ZFPM2: variants seen among roughly 807,000 people sequenced by gnomAD.
ZFPM2 encodes the protein zinc finger protein, FOG family member 2.
A neutral mutation model predicts 98.6 loss-of-function variants in ZFPM2; 20 were observed. The ratio of observed to expected loss-of-function variants is 0.20; its 90% confidence interval spans 0.14 to 0.29. The LOEUF (loss-of-function observed/expected upper bound fraction) is 0.29. Ranked by LOEUF, ZFPM2 falls within the 10% of genes least tolerant of loss-of-function variation. The pLI is 1.00. For synonymous variants in ZFPM2, 518 were observed against 502.7 expected (o/e 1.03, Z -0.41); for missense variants, 1,310 against 1,388.6 (o/e 0.94, Z 0.90).
rs190575468 is a variant in ZFPM2, at chr8:105,712,710, G to T, written c.533-76008G>T. ...TAGGAAGTTTTATAGACCTTTCCCT[G>T]CACTCTCCTTTTGGAGTCCCCAGTG... On this transcript the variant is annotated intron_variant, in intron 5 of 7. Transcript: ENST00000407775. 2.2e-3 allele frequency among the ~76,000 whole-genome samples: 329 copies of T among 152,022 alleles called. 4 individuals are homozygous for T. Among genetic ancestry groups the T allele is most frequent in the Admixed American group, 0.021 (326 of 15,228 alleles).
chr8:105,678,127 G>A (rs1586192265), intron 5 of ZFPM2, among the ~76,000 whole-genome samples: 1 of 152,152 alleles, frequency 6.6e-6, no homozygotes, highest in Admixed American at 6.5e-5. Context: ...TAGCATGTAG[G>A]AGATACAGAA....
At chr8:105,351,440 G>C (rs193231124) in intron 1 of ZFPM2, among the ~76,000 whole-genome samples, 120 of 151,894 alleles carry the variant, frequency 7.9e-4, no homozygotes, top group Admixed American at 3.3e-3. Context: ...ATTCTGGGAT[G>C]TGGAAACCTC....
chr8:105,478,603 A>C (rs1276667793), intron 3 of ZFPM2, among the ~76,000 whole-genome samples: 2 of 152,256 alleles, frequency 1.3e-5, no homozygotes, highest in Admixed American at 6.5e-5. Flanking sequence ...CTAATGGCAC[A>C]GAAATTTATG....
chr8:105,803,148 T>A lies in ZFPM2; in HGVS notation c.3066T>A (p.Asn1022Lys), dbSNP rs1225696508. Residue 1022 changes from asparagine (N) to lysine (K), a missense_variant, in exon 8 of 8, where the codon AAT becomes AAA. Transcript: ENST00000407775. Reference protein sequence around the residue: ...NESPKGQASSNGCAALKKDSL... With the variant: ...NESPKGQASSKGCAALKKDSL... ...CTCCTAAAGGCCAGGCTTCCTCAAA[T>A]GGGTGTGCTGCGCTGAAGAAAGATT... 2.5e-6 allele frequency: 4 copies of A among 1,613,772 alleles called. No individual in the cohort carries two copies. The African/African-American group carries it at 4.0e-5, about 16-fold the overall frequency.
At chr8:105,598,692 C>T (rs1236149373) in intron 4 of ZFPM2, among the ~76,000 whole-genome samples, 2 of 152,014 alleles carry the variant, frequency 1.3e-5, no homozygotes, top group Admixed American at 1.3e-4. Flanking sequence ...CTCCTTGTTC[C>T]TACATTTCCC....
At chr8:105,653,303 A>T (rs1307958691) in intron 5 of ZFPM2, among the ~76,000 whole-genome samples, 1 of 152,140 alleles carries the variant, frequency 6.6e-6, no homozygotes, top group Non-Finnish European at 1.5e-5. Context: ...TGAAATTTGG[A>T]GGTGGGGTGT....
chr8:105,497,529 G>A (rs1216406800), intron 3 of ZFPM2, among the ~76,000 whole-genome samples: 1 of 152,018 alleles, frequency 6.6e-6, no homozygotes, highest in African/African-American at 2.4e-5. Flanking sequence ...TAGACATATG[G>A]TGCTGAGAAA....
chr8:105,728,258 C>G (rs1387695461), intron 5 of ZFPM2, among the ~76,000 whole-genome samples: 1 of 151,470 alleles, frequency 6.6e-6, no homozygotes, highest in African/African-American at 2.4e-5. Context: ...GATTTTATTT[C>G]CAGTGGTTCA....
At chr8:105,438,969 C>T (rs896477994) in intron 2 of ZFPM2, among the ~76,000 whole-genome samples, 1 of 152,166 alleles carries the variant, frequency 6.6e-6, no homozygotes, top group African/African-American at 2.4e-5. Flanking sequence ...TGCTCTCATG[C>T]ATATTGCCTA....
intron 5 of ZFPM2, among the ~76,000 whole-genome samples, chr8:105,782,104 A>G (rs764792881): frequency 1.2e-4 from 19 of 152,218 alleles, no homozygotes; most frequent in Non-Finnish European, 2.2e-4. Context: ...ATGAGAATCA[A>G]TAAAAGCCAC....
At chr8:105,477,479 G>A (rs553118243) in intron 3 of ZFPM2, among the ~76,000 whole-genome samples, 173 of 151,788 alleles carry the variant, frequency 1.1e-3, no homozygotes, top group African/African-American at 3.7e-3. Context: ...TCCTGACCTC[G>A]TGATCCACCC....
intron 1 of ZFPM2, among the ~76,000 whole-genome samples, chr8:105,336,434 T>C (rs929047544): frequency 6.6e-6 from 1 of 151,900 alleles, no homozygotes; most frequent in East Asian, 1.9e-4. Flanking sequence ...ATTTAAAATA[T>C]AATTTTAAAG....
At chr8:105,644,490 CTCTG>C (rs370424281) in intron 5 of ZFPM2, among the ~76,000 whole-genome samples, 5 of 151,662 alleles carry the variant, frequency 3.3e-5, no homozygotes, top group African/African-American at 1.2e-4. Context: ...GTCTAAAATG[CTCTG>C]TCTCTCTCTC....
chr8:105,345,508 T>C (rs2957449), intron 1 of ZFPM2, among the ~76,000 whole-genome samples: 65,685 of 147,994 alleles, frequency 0.44, 16,470 homozygotes, highest in Middle Eastern at 0.6. Context: ...TGATTTCCCT[T>C]GCACAGCAGC....
intron 1 of ZFPM2, among the ~76,000 whole-genome samples, chr8:105,321,799 T>C (rs561079687): frequency 3.9e-5 from 6 of 152,200 alleles, no homozygotes; most frequent in African/African-American, 1.4e-4. Flanking sequence ...GGAGAAGATA[T>C]ACCATCAGAA....
chr8:105,642,496 C>T (rs1209375572), intron 5 of ZFPM2, among the ~76,000 whole-genome samples: 1 of 152,128 alleles, frequency 6.6e-6, no homozygotes, highest in East Asian at 1.9e-4. Context: ...CACAACCCAA[C>T]TAAAACAAAG....
At chr8:105,554,214 AT>A (rs1700921895) in intron 3 of ZFPM2, among the ~76,000 whole-genome samples, 1 of 152,172 alleles carries the variant, frequency 6.6e-6, no homozygotes, top group South Asian at 2.1e-4. Flanking sequence ...CATAATATAA[AT>A]GGTGCTATTT....
Position 105,394,866 on chromosome 8 carries a change from C to T in ZFPM2, c.41-24278C>T, listed in dbSNP as rs553057329. Among the ~76,000 whole-genome samples, 4 of 152,284 alleles carry T rather than the reference C, an allele frequency of 2.6e-5. No homozygotes were observed. The South Asian group carries it at 8.3e-4, about 32-fold the overall frequency. ...TTAAAATCAGTTTATCCTTATGAAG[C>T]AGCATTTGGAATCTTGAAACAAGGG... On this transcript the variant is annotated intron_variant, in intron 1 of 7. Transcript: ENST00000407775.
chr8:105,342,037 T>A (rs918540596), intron 1 of ZFPM2, among the ~76,000 whole-genome samples: 1 of 152,060 alleles, frequency 6.6e-6, no homozygotes, highest in African/African-American at 2.4e-5. Flanking sequence ...TCCAGTTGCA[T>A]AAAGGATTTT....
Sources: allele counts gnomAD v4.1 joint callset (sites outside exome capture counted in the v4.1 genomes callset), GRCh38; gene constraint gnomAD v4.1.1; transcripts MANE v1.5; gene names NCBI Gene and HGNC (gene_info 2026-07-23, HGNC 2026-07-21).